SEZ6: variants seen among roughly 807,000 people sequenced by gnomAD.
The protein encoded by SEZ6 is seizure protein 6 homolog.
In SEZ6, 53 loss-of-function variants were observed where a neutral mutation model predicts 101.0. That is an observed-to-expected ratio of 0.52 (90% CI 0.42 to 0.66). The LOEUF is 0.66. Among genes scored for constraint, SEZ6 ranks in the 30% least tolerant of loss-of-function variants. The probability of loss-of-function intolerance (pLI) is 0.00; values close to 1 mark genes in which losing one functional copy is unlikely to be tolerated. For synonymous variants in SEZ6, 488 were observed against 512.2 expected, an observed-to-expected ratio of 0.95 and a Z score of 0.64; for missense variants, 1,102 against 1,289.4, an observed-to-expected ratio of 0.85 and a Z score of 2.23.
intron 11 of SEZ6, 94 bp from the exon 12 acceptor site, chr17:28,957,633 A>G: frequency 2.9e-6 from 4 of 1,358,438 alleles, no homozygotes. Context: ...TAACTTCTTC[A>G]TGTCGTATGG....
rs1422886074 is a variant in SEZ6, at chr17:28,956,233, G to A, written c.2878C>T (p.Pro960Ser). The stretch of plus-strand genomic sequence containing the variant: ...TTGTAGGGGCGGGGGCGGGGGCGGG[G>A]CAGCTGCAGGGAGCTTTTTCCCTGG... The part of the protein sequence containing the change: ...RLQGKSSLQL[P>S]RPRPRPYNRI... Residue 960 changes from proline (P) to serine (S), a missense_variant, in exon 16 of 17, where the codon CCC becomes TCC. This residue lies in a region of SEZ6 where 140 missense variants were observed against 135.7 expected (regional missense o/e 1.03). Transcript: ENST00000317338. 8 of 519,806 alleles carry A rather than the reference G, an allele frequency of 1.5e-5. No individual in the cohort carries two copies. The highest frequency in any genetic ancestry group is 4.4e-5 in the South Asian group (3 of 68,432). The allele number at this position is 519,806 out of a possible 1,614,324, so 32.2% of individuals were successfully genotyped here. A position where few individuals can be genotyped will look rare whatever the true frequency, so the allele number is the denominator to read the frequency against.
chr17:28,956,096 T>G (rs898526725), intron 16 of SEZ6, 63 bp downstream of exon 16: 1 of 1,594,518 alleles, frequency 6.3e-7, no homozygotes, highest in African/African-American at 1.3e-5. Flanking sequence ...CTCAGGGTTA[T>G]CTGCCCAAAG....
chr17:28,959,943 A>G lies in SEZ6; in HGVS notation c.1577-51T>C. ...CTCAGCCTTGACTGGTATTAAACAC[A>G]GTGGGCAAGCATCCCCCTACTTCCC... On this transcript the variant is annotated intron_variant, in intron 7 of 16. Transcript: ENST00000317338. This position sits in a 1 kb window ranked among gnomAD's most constrained non-coding sequence, Gnocchi z 4.4. The G allele has an allele frequency of 6.5e-7, 1 of 1,548,934 alleles. No homozygotes were observed. Among genetic ancestry groups the G allele is most frequent in the South Asian group, 1.2e-5 (1 of 84,240 alleles).
chr17:28,958,181 C>A, intron 10 of SEZ6, 40 bp from the exon 11 acceptor site: 1 of 1,552,860 alleles, frequency 6.4e-7, no homozygotes. Context: ...CCTCGGCCAG[C>A]ACCAAAGTGA....
At chr17:28,957,003 C>T (rs2152682828) in intron 13 of SEZ6, 42 bp downstream of exon 13, 2 of 1,521,470 alleles carry the variant, frequency 1.3e-6, no homozygotes, top group Non-Finnish European at 1.8e-6. Context: ...CAGAGCAGCT[C>T]TATGGGCCAG....
chr17:28,976,321 C>A (rs1432728277), intron 3 of SEZ6, among the ~76,000 whole-genome samples: 1 of 152,232 alleles, frequency 6.6e-6, no homozygotes, highest in Non-Finnish European at 1.5e-5. Flanking sequence ...GAGGGTCTTG[C>A]TGAAGGCCCC....
chr17:29,000,637 G>C (rs2041603564), intron 1 of SEZ6, among the ~76,000 whole-genome samples: 1 of 152,180 alleles, frequency 6.6e-6, no homozygotes, highest in South Asian at 2.1e-4. Flanking sequence ...TAGGCTCAGA[G>C]CTGCTCCCAA....
intron 4 of SEZ6, among the ~76,000 whole-genome samples, chr17:28,966,067 G>A (rs762579232): frequency 4.7e-5 from 7 of 148,276 alleles, no homozygotes; most frequent in Admixed American, 3.4e-4. Flanking sequence ...CGCTTGGACC[G>A]GGGAGATGGA....
intron 1 of SEZ6, among the ~76,000 whole-genome samples, chr17:28,989,515 T>A (rs2041429052): frequency 6.6e-6 from 1 of 152,214 alleles, no homozygotes; most frequent in Non-Finnish European, 1.5e-5. Context: ...GAAATATTTT[T>A]ATTTATTTAT....
chr17:28,993,895 G>A (rs1026018640), intron 1 of SEZ6, among the ~76,000 whole-genome samples: 1 of 152,260 alleles, frequency 6.6e-6, no homozygotes, highest in Non-Finnish European at 1.5e-5. Flanking sequence ...AAGCCTCTGT[G>A]GCCTTTGGGT....
chr17:28,973,250 T>A (rs1408799405), intron 3 of SEZ6, among the ~76,000 whole-genome samples: 1 of 152,238 alleles, frequency 6.6e-6, no homozygotes, highest in Admixed American at 6.5e-5. Context: ...CTTGCTTTGC[T>A]GAGACAAGGC....
chr17:28,965,771 T>C (rs1567986572), intron 4 of SEZ6, among the ~76,000 whole-genome samples: 1 of 152,174 alleles, frequency 6.6e-6, no homozygotes, highest in Non-Finnish European at 1.5e-5. Context: ...CATACCAAAT[T>C]TGACCAAATG....
In SEZ6 at chr17:28,993,735, G is replaced by A. The variant is rs571926470; in HGVS notation, c.56-11696C>T. ...GACAGGGCCATGAGGTGCCAGGGCC[G>A]GAGAGTAGGTTCCTTCCTGGGCCCC... On this transcript the variant is annotated intron_variant, in intron 1 of 16. Coordinates refer to ENST00000317338, the MANE Select transcript of SEZ6 (RefSeq NM_178860.5). Among the ~76,000 whole-genome samples the A allele has an allele frequency of 2.0e-4, 30 of 152,314 alleles. No individual in the cohort carries two copies. The South Asian group carries it at 5.8e-3, about 29-fold the overall frequency.
At chr17:28,966,081 T>C (rs1567986719) in intron 4 of SEZ6, among the ~76,000 whole-genome samples, 2 of 150,446 alleles carry the variant, frequency 1.3e-5, no homozygotes. Flanking sequence ...AGATGGAGGT[T>C]GCAGTGAGTC....
chr17:28,997,055 G>A (rs1266592829), intron 1 of SEZ6, among the ~76,000 whole-genome samples: 3 of 152,114 alleles, frequency 2.0e-5, no homozygotes, highest in Non-Finnish European at 2.9e-5. Context: ...CACTCGACCT[G>A]AGCAACAGGC....
At chr17:28,974,312 G>T (rs1037595401) in intron 3 of SEZ6, among the ~76,000 whole-genome samples, 21 of 151,922 alleles carry the variant, frequency 1.4e-4, no homozygotes, top group African/African-American at 4.6e-4. Flanking sequence ...CCACTTACAC[G>T]CACACAGCCC....
At chr17:28,986,424 G>A (rs1461619460) in intron 1 of SEZ6, among the ~76,000 whole-genome samples, 4 of 152,224 alleles carry the variant, frequency 2.6e-5, no homozygotes, top group African/African-American at 7.2e-5. Context: ...GATCGGGATG[G>A]GGGGCGGGGC....
At chr17:28,962,819 A>C (rs1465926119) in intron 5 of SEZ6, among the ~76,000 whole-genome samples, 2 of 148,968 alleles carry the variant, frequency 1.3e-5, no homozygotes, top group Admixed American at 6.7e-5. Context: ...GCCTAAGCCC[A>C]TACCCACTAA....
At position 28,956,737 on chromosome 17, in the gene SEZ6, T is replaced by C. The variant is rs1392898869; in HGVS notation, c.2713A>G (p.Asn905Asp). Residue 905 changes from asparagine to aspartate, a missense_variant, in exon 14 of 17, where the codon AAC (asparagine) becomes GAC (aspartate). Asn to Asp is a conservative substitution (Grantham distance 23, BLOSUM62 1). This residue lies in a region of SEZ6 where 140 missense variants were observed against 135.7 expected (regional missense o/e 1.03). Coordinates refer to ENST00000317338, the MANE Select transcript of SEZ6 (RefSeq NM_178860.5). The stretch of plus-strand genomic sequence containing the variant: ...GACTTACCATCCAGGCTGCGACTGT[T>C]GTAGAACCCATCCAGAGAGGCTGGA... ...CRAASLDGFY[N>D]SRSLDVAKAP... 6.4e-7 allele frequency: 1 copy of C among 1,563,586 alleles called. No homozygotes were observed. The highest frequency in any genetic ancestry group is 8.7e-7 in the Non-Finnish European group (1 of 1,153,864).
Sources: allele counts gnomAD v4.1 joint callset (sites outside exome capture counted in the v4.1 genomes callset), GRCh38; gene constraint gnomAD v4.1.1; regional missense constraint gnomAD v4.1.1; non-coding constraint Gnocchi (gnomAD v3.1); transcripts MANE v1.5; gene names NCBI Gene and HGNC (gene_info 2026-07-23, HGNC 2026-07-21).